The following CNTN5 variants were observed in gnomAD, a reference collection of about 807,000 sequenced individuals.
The protein encoded by CNTN5 is contactin 5.
In CNTN5, 77 loss-of-function variants were observed where a neutral mutation model predicts 129.1. The observed-to-expected ratio is 0.60, with a 90% CI of 0.50 to 0.72. The LOEUF is 0.72. Among genes scored for constraint, CNTN5 ranks in the 30% least tolerant of loss-of-function variants. CNTN5 has a pLI of 0.00. For synonymous variants in CNTN5, 509 were observed against 465.6 expected (o/e 1.09, Z -1.20); for missense variants, 1,478 against 1,328.8 (o/e 1.11, Z -1.75).
At chr11:99,964,007 T>C (rs996409288) in intron 8 of CNTN5, among the ~76,000 whole-genome samples, 1 of 152,248 alleles carries the variant, frequency 6.6e-6, no homozygotes, top group African/African-American at 2.4e-5. Flanking sequence ...CACACTGATT[T>C]TGTATGCCGA....
chr11:99,724,442 G>A (rs12806864), intron 3 of CNTN5, among the ~76,000 whole-genome samples: 1 of 152,086 alleles, frequency 6.6e-6, no homozygotes, highest in South Asian at 2.1e-4. Flanking sequence ...ACCACTACAC[G>A]ATTTTCACTT....
chr11:99,854,487 C>T (rs1192956020), intron 6 of CNTN5, among the ~76,000 whole-genome samples: 1 of 152,026 alleles, frequency 6.6e-6, no homozygotes, highest in African/African-American at 2.4e-5. Context: ...CTGTGGGAGG[C>T]TTGAAAATAA....
intron 18 of CNTN5, among the ~76,000 whole-genome samples, chr11:100,275,454 G>T (rs1285040528): frequency 6.6e-6 from 1 of 152,152 alleles, no homozygotes; most frequent in Non-Finnish European, 1.5e-5. Flanking sequence ...TTTAAACAAA[G>T]GCAAAGATTA....
intron 1 of CNTN5, among the ~76,000 whole-genome samples, chr11:99,111,337 T>G (rs900283143): frequency 6.6e-5 from 10 of 151,666 alleles, no homozygotes; most frequent in African/African-American, 2.4e-4. Flanking sequence ...TCCTTGGGAG[T>G]AATAGGAGTG....
intron 1 of CNTN5, among the ~76,000 whole-genome samples, chr11:99,022,997 A>T (rs1862948124): frequency 6.6e-6 from 1 of 152,224 alleles, no homozygotes; most frequent in African/African-American, 2.4e-5. Context: ...AGATTAACTA[A>T]ATGCCGGACT....
At chr11:99,459,715 T>C (rs1325618999) in intron 2 of CNTN5, among the ~76,000 whole-genome samples, 4 of 151,976 alleles carry the variant, frequency 2.6e-5, no homozygotes, top group Non-Finnish European at 5.9e-5. Flanking sequence ...CTAATGAAGC[T>C]TAAGGTCTGG....
chr11:99,584,500 A>G (rs1289030704), intron 3 of CNTN5, among the ~76,000 whole-genome samples: 1 of 152,204 alleles, frequency 6.6e-6, no homozygotes, highest in Non-Finnish European at 1.5e-5. Flanking sequence ...ATGGAGCAAA[A>G]GCAATGGTGA....
At chr11:99,828,049 G>T (rs1947022863) in intron 4 of CNTN5, among the ~76,000 whole-genome samples, 1 of 152,030 alleles carries the variant, frequency 6.6e-6, no homozygotes, top group Non-Finnish European at 1.5e-5. Context: ...AGTTTTGAAA[G>T]TATTTGATAA....
chr11:99,135,926 T>C (rs60073271), intron 1 of CNTN5, among the ~76,000 whole-genome samples: 3,643 of 152,280 alleles, frequency 0.024, 147 homozygotes, highest in African/African-American at 0.085. Flanking sequence ...CCCAGTGATT[T>C]CACTGTGCAT....
At chr11:100,192,406 T>C (rs1248561895) in intron 14 of CNTN5, among the ~76,000 whole-genome samples, 1 of 152,028 alleles carries the variant, frequency 6.6e-6, no homozygotes, top group African/African-American at 2.4e-5. Flanking sequence ...AATGTTAATA[T>C]TTACAGTGAC....
intron 2 of CNTN5, among the ~76,000 whole-genome samples, chr11:99,410,285 A>G (rs1360792319): frequency 5.3e-5 from 8 of 152,232 alleles, no homozygotes; most frequent in Admixed American, 5.2e-4. Context: ...CTCAATTTAT[A>G]AAATTATAAG....
chr11:99,873,121 G>A (rs1406899564), intron 6 of CNTN5, among the ~76,000 whole-genome samples: 2 of 151,894 alleles, frequency 1.3e-5, no homozygotes, highest in African/African-American at 4.8e-5. Context: ...GAATTTCGGC[G>A]ATAGTTTCAG....
At chr11:99,351,469 T>C (rs145309186) in intron 2 of CNTN5, among the ~76,000 whole-genome samples, 1 of 152,340 alleles carries the variant, frequency 6.6e-6, no homozygotes, top group African/African-American at 2.4e-5. Context: ...AATTCCTCCT[T>C]CTATGCTTAC....
chr11:99,634,687 A>C (rs940801372), intron 3 of CNTN5, among the ~76,000 whole-genome samples: 1 of 152,196 alleles, frequency 6.6e-6, no homozygotes, highest in African/African-American at 2.4e-5. Flanking sequence ...TCTGTCAAAC[A>C]CCTTACATTT....
At chr11:99,619,870 C>T (rs650795) in intron 3 of CNTN5, among the ~76,000 whole-genome samples, 7,040 of 151,560 alleles carry the variant, frequency 0.046, 255 homozygotes, top group Non-Finnish European at 0.072. Context: ...ACTAAAAATA[C>T]AAAAAATTAG....
chr11:99,534,714 CACTAATAAATGTGTAATGCCAG>C (rs748615911), intron 2 of CNTN5, among the ~76,000 whole-genome samples: 2 of 152,038 alleles, frequency 1.3e-5, no homozygotes, highest in Non-Finnish European at 2.9e-5. Context: ...CCTGTAATCA[CACTAATAAATGTGTAATGCCAG>C]GTTGGGATGG....
chr11:99,329,471 C>A (rs1865915794), intron 2 of CNTN5, among the ~76,000 whole-genome samples: 1 of 152,150 alleles, frequency 6.6e-6, no homozygotes, highest in Admixed American at 6.5e-5. Context: ...CCTCTGCTCA[C>A]AAACAAGAAA....
chr11:99,477,241 CT>C (rs1945405126), intron 2 of CNTN5, among the ~76,000 whole-genome samples: 1 of 151,872 alleles, frequency 6.6e-6, no homozygotes, highest in Admixed American at 6.6e-5. Flanking sequence ...AATTGAGACT[CT>C]TTTAAAAAAT....
intron 2 of CNTN5, among the ~76,000 whole-genome samples, chr11:99,414,343 G>A (rs1031176480): frequency 1.5e-4 from 23 of 152,292 alleles, no homozygotes; most frequent in African/African-American, 5.5e-4. Context: ...GAAAGGGGAT[G>A]TATGTGTATA....
Sources: gnomAD v4.1 joint callset for allele counts (sites outside exome capture counted in the v4.1 genomes callset) on GRCh38, gnomAD v4.1.1 for gene constraint, MANE v1.5 for transcripts, NCBI Gene and HGNC (gene_info 2026-07-23, HGNC 2026-07-21) for gene names.